The following TMPRSS15 variants were observed in gnomAD, a reference collection of about 807,000 sequenced individuals.
The protein encoded by TMPRSS15 is enteropeptidase.
In TMPRSS15, 128 loss-of-function variants were observed where a neutral mutation model predicts 125.3. That is an observed-to-expected ratio of 1.02 (90% CI 0.89 to 1.18). The LOEUF (loss-of-function observed/expected upper bound fraction) is 1.18, where lower values mean the gene tolerates loss of function less well. Among genes scored for constraint, TMPRSS15 ranks in the 50% most tolerant of loss-of-function variants. TMPRSS15 has a pLI of 0.00. For synonymous variants in TMPRSS15, 446 were observed against 423.2 expected (o/e 1.05, Z -0.66); for missense variants, 1,283 against 1,212.7 (o/e 1.06, Z -0.86).
At chr21:18,288,171 T>C (rs556395116) in intron 21 of TMPRSS15, among the ~76,000 whole-genome samples, 2 of 152,324 alleles carry the variant, frequency 1.3e-5, no homozygotes, top group Non-Finnish European at 2.9e-5. Context: ...AATAAAATCA[T>C]GTCTTTTGCA....
intron 10 of TMPRSS15, among the ~76,000 whole-genome samples, chr21:18,347,227 A>AT (rs1218930647): frequency 1.3e-5 from 2 of 151,630 alleles, no homozygotes; most frequent in Non-Finnish European, 2.9e-5. Flanking sequence ...CATTCGGCAT[A>AT]TTCTGTCATG....
chr21:18,397,219 G>T (rs1292913436), intron 3 of TMPRSS15, among the ~76,000 whole-genome samples: 2 of 152,094 alleles, frequency 1.3e-5, no homozygotes, highest in African/African-American at 4.8e-5. Flanking sequence ...GGTTCAGAGA[G>T]ATGTCAGCAA....
At chr21:18,324,888 A>T (rs1222054374) in intron 16 of TMPRSS15, among the ~76,000 whole-genome samples, 1 of 152,174 alleles carries the variant, frequency 6.6e-6, no homozygotes, top group Non-Finnish European at 1.5e-5. Context: ...GTACACCACA[A>T]ACAGAAGGAA....
chr21:18,419,461 G>C (rs943277944), intron 1 of TMPRSS15, among the ~76,000 whole-genome samples: 11 of 151,960 alleles, frequency 7.2e-5, no homozygotes, highest in South Asian at 2.1e-4. Flanking sequence ...TCCTGACATC[G>C]TGATCCACCT....
upstream of TMPRSS15, among the ~76,000 whole-genome samples, chr21:18,406,835 T>C (rs949096992): frequency 3.9e-5 from 6 of 152,100 alleles, no homozygotes; most frequent in Non-Finnish European, 8.8e-5. Flanking sequence ...TTCATTATAA[T>C]ACAATTATAA....
intron 3 of TMPRSS15, among the ~76,000 whole-genome samples, chr21:18,392,104 T>C (rs2075995840): frequency 6.6e-6 from 1 of 152,088 alleles, no homozygotes; most frequent in African/African-American, 2.4e-5. Context: ...TGATGGGAGG[T>C]CCTGCTATGA....
chr21:18,415,209 T>A (rs912203432), intron 1 of TMPRSS15, among the ~76,000 whole-genome samples: 3 of 152,118 alleles, frequency 2.0e-5, no homozygotes, highest in African/African-American at 7.2e-5. Context: ...TCAGGTTACT[T>A]GTCTTTTTGC....
chr21:18,346,127 T>C (rs1284413784), intron 10 of TMPRSS15, among the ~76,000 whole-genome samples: 2 of 152,182 alleles, frequency 1.3e-5, no homozygotes, highest in Non-Finnish European at 2.9e-5. Context: ...ATTTTTGTGA[T>C]ATCAGCTACA....
rs1569027370 is a variant in TMPRSS15 at position 18,352,927 on chromosome 21, C to CA, written c.1146dup (p.Asp383Ter). ...CCTGAAGCATTGCCAAAAGTGTGGT[C>CA]AAAATTGGGTCCAGTAAAAGGAGAA... On this transcript the variant is annotated frameshift_variant, in exon 10 of 25. Transcript: ENST00000284885. LOFTEE classifies it high-confidence loss of function. 1.2e-6 allele frequency: 2 copies of CA among 1,612,222 alleles called. No homozygotes were observed. Among genetic ancestry groups the CA allele is most frequent in the Non-Finnish European group, 1.7e-6 (2 of 1,178,820 alleles).
intron 21 of TMPRSS15, among the ~76,000 whole-genome samples, chr21:18,291,693 C>A (rs2074837240): frequency 6.6e-6 from 1 of 151,936 alleles, no homozygotes. Flanking sequence ...AAAACAATAT[C>A]AGAAACTTTC....
intron 17 of TMPRSS15, among the ~76,000 whole-genome samples, chr21:18,313,349 CTA>C (rs145916814): frequency 6.0e-5 from 9 of 149,438 alleles, no homozygotes; most frequent in African/African-American, 1.7e-4. Context: ...CTCTCTCTCT[CTA>C]TATATATATA....
rs150541209 is a variant in TMPRSS15 at position 18,276,185 on chromosome 21, A to C, written c.2765-849T>G. Among the ~76,000 whole-genome samples the C allele has an allele frequency of 3.7e-3, 567 of 152,322 alleles. 3 individuals are homozygous for C. Among genetic ancestry groups the C allele is most frequent in the Non-Finnish European group, 6.2e-3 (419 of 68,030 alleles). On this transcript the variant is annotated intron_variant, in intron 23 of 24. Coordinates refer to ENST00000284885, the MANE Select transcript of TMPRSS15 (RefSeq NM_002772.3). ...CATGCACTAAAAAGATGAAGGAAGCAAAAAAAGTGTGTTCGTGCACACGTG... is the reference window on the plus strand; with the variant it reads ...CATGCACTAAAAAGATGAAGGAAGCCAAAAAAGTGTGTTCGTGCACACGTG...
chr21:18,438,933 T>G (rs2076235261), intron 1 of TMPRSS15, among the ~76,000 whole-genome samples: 1 of 152,224 alleles, frequency 6.6e-6, no homozygotes, highest in South Asian at 2.1e-4. Context: ...TTCCATAAAA[T>G]CATGAAGCCC....
intron 10 of TMPRSS15, among the ~76,000 whole-genome samples, chr21:18,349,381 G>A (rs1481197868): frequency 6.6e-6 from 1 of 152,168 alleles, no homozygotes; most frequent in East Asian, 1.9e-4. Flanking sequence ...TTCACCAGAA[G>A]AGAGTTCTTC....
chr21:18,365,679 C>CTTCCTTCCTTCCTTCCT (rs1471629562), intron 6 of TMPRSS15, among the ~76,000 whole-genome samples: 5 of 129,586 alleles, frequency 3.9e-5, no homozygotes, highest in African/African-American at 1.5e-4. Context: ...TCCTTCCTTC[C>CTTCCTTCCTTCCTTCCT]TTCCTTCCTT....
intron 1 of TMPRSS15, among the ~76,000 whole-genome samples, chr21:18,412,383 G>A (rs985983583): frequency 1.3e-5 from 2 of 152,010 alleles, no homozygotes; most frequent in African/African-American, 4.8e-5. Flanking sequence ...CACAATTCCA[G>A]GAAGCTTGTT....
intron 1 of TMPRSS15, among the ~76,000 whole-genome samples, chr21:18,448,591 A>T (rs1286827587): frequency 1.3e-5 from 2 of 152,284 alleles, no homozygotes; most frequent in African/African-American, 4.8e-5. Context: ...TGGATTTTTT[A>T]AAATAGAAAT....
At position 18,344,073 on chromosome 21, in the gene TMPRSS15, CA is replaced by C. The variant is rs758701791; in HGVS notation, c.1172-14del. 1.5e-5 allele frequency: 24 copies of C among 1,600,300 alleles called. No homozygotes were observed. The highest frequency in any genetic ancestry group is 4.0e-5 in the African/African-American group (3 of 74,520). On this transcript the variant is annotated splice_polypyrimidine_tract_variant and intron_variant, in intron 10 of 24. Coordinates refer to ENST00000284885, the MANE Select transcript of TMPRSS15 (RefSeq NM_002772.3). Reference sequence around the variant, plus strand: ...GAAATGTAAAATCCTGTAAAAATATCAAAAAAAATTTATTTCACTTAAATAT... The same window carrying C: ...GAAATGTAAAATCCTGTAAAAATATCAAAAAAATTTATTTCACTTAAATAT...
intron 3 of TMPRSS15, among the ~76,000 whole-genome samples, chr21:18,397,033 G>T (rs1482847793): frequency 6.6e-6 from 1 of 151,940 alleles, no homozygotes. Context: ...CCCAGGTCTT[G>T]ATCAGTCTTT....
Sources: allele counts gnomAD v4.1 joint callset (sites outside exome capture counted in the v4.1 genomes callset), GRCh38; gene constraint gnomAD v4.1.1; transcripts MANE v1.5; gene names NCBI Gene and HGNC (gene_info 2026-07-23, HGNC 2026-07-21).